C9orf43: variants seen among roughly 807,000 people sequenced by gnomAD.
The protein encoded by C9orf43 is chromosome 9 open reading frame 43, also known as uncharacterized protein C9orf43.
A neutral mutation model predicts 59.1 loss-of-function variants in C9orf43; 45 were observed. That is an observed-to-expected ratio of 0.76 (90% CI 0.60 to 0.98). The LOEUF is 0.98. C9orf43 is among the 50% of genes least tolerant of loss of function. The pLI, the probability that C9orf43 is intolerant of heterozygous loss-of-function variation, is 0.00. For synonymous variants in C9orf43, 203 were observed against 196.8 expected, an observed-to-expected ratio of 1.03 and a Z score of -0.26; for missense variants, 533 against 554.9, an observed-to-expected ratio of 0.96 and a Z score of 0.40.
At chr9:113,427,429 G>A (rs750655302) in intron 11 of C9orf43, among the ~76,000 whole-genome samples, 11 of 152,128 alleles carry the variant, frequency 7.2e-5, no homozygotes, top group Non-Finnish European at 1.3e-4. Flanking sequence ...TGCCCGCCTC[G>A]GCCTCCCAAA....
rs1213172346 is a variant in C9orf43 at position 113,428,912 on chromosome 9, A to G, written c.1120A>G (p.Arg374Gly). The G allele has an allele frequency of 3.1e-6, 5 of 1,613,694 alleles. No homozygotes were observed. In the African/African-American group the frequency reaches 6.7e-5, roughly 22 times the overall value. ...GTTSKQDSTE[R>G]PKMNYYDHAD... The stretch of plus-strand genomic sequence containing the variant: ...CAATGAATTTCAGGATTCCACGGAG[A>G]GACCAAAGATGAACTACTATGACCA... Residue 374 changes from arginine (R) to glycine (G), a missense_variant, in exon 13 of 14, where the codon AGA (arginine) becomes GGA (glycine). Transcript: ENST00000374165.
rs1828656511 is a variant in C9orf43, at chr9:113,423,319, C to T, written c.484-7C>T. Reference sequence around the variant, plus strand: ...TTGGAGAATTCTTTCCATTGTTTCTCTTCCAGAAAAGCAAGTCATTTCTGG... The same window carrying T: ...TTGGAGAATTCTTTCCATTGTTTCTTTTCCAGAAAAGCAAGTCATTTCTGG... On this transcript the variant is annotated splice_polypyrimidine_tract_variant and splice_region_variant and intron_variant, in intron 6 of 13. Transcript: ENST00000374165. 1.2e-6 allele frequency: 2 copies of T among 1,612,878 alleles called. No individual in the cohort carries two copies. Among genetic ancestry groups the T allele is most frequent in the Non-Finnish European group, 1.7e-6 (2 of 1,179,030 alleles).
At chr9:113,425,251 G>A (rs1354637508) in intron 9 of C9orf43, 93 bp from the exon 10 acceptor site, 11 of 1,576,202 alleles carry the variant, frequency 7.0e-6, no homozygotes, top group Non-Finnish European at 3.5e-6. Flanking sequence ...GTCCTTACCA[G>A]GGAGTCACCA....
intron 1 of C9orf43, among the ~76,000 whole-genome samples, chr9:113,412,377 A>G (rs1389459655): frequency 6.6e-6 from 1 of 152,244 alleles, no homozygotes. Flanking sequence ...CCAGGCTGAT[A>G]GTTTATCTTT....
rs1050885321 is a variant in C9orf43, at chr9:113,413,582, G to A, written c.89G>A (p.Arg30His). ...QHPQCWATIR[R>H]IERGHPRILG... Reference sequence around the variant, plus strand: ...CCACAATGCTGGGCAACTATCCGCCGCATTGAGAGGGGCCATCCTCGAATC... The same window carrying A: ...CCACAATGCTGGGCAACTATCCGCCACATTGAGAGGGGCCATCCTCGAATC... The change falls in exon 2 of 14, where the codon CGC becomes CAC. Residue 30 changes from arginine (R) to histidine (H), a missense_variant. By Grantham distance (29) the Arg-to-His change is conservative (BLOSUM62 0). Coordinates refer to ENST00000374165, the MANE Select transcript of C9orf43 (RefSeq NM_001278629.2). 10 of 1,614,068 alleles carry A rather than the reference G, an allele frequency of 6.2e-6. No homozygotes were observed. The East Asian group carries it at 1.6e-4, about 25-fold the overall frequency.
At chr9:113,416,092 C>T (rs1217132944) in intron 3 of C9orf43, among the ~76,000 whole-genome samples, 3 of 152,220 alleles carry the variant, frequency 2.0e-5, no homozygotes, top group African/African-American at 7.2e-5. Flanking sequence ...CGCCTTCTTC[C>T]TTCAGTGTGT....
At chr9:113,419,937 T>G (rs1023205185) in intron 4 of C9orf43, among the ~76,000 whole-genome samples, 3 of 152,108 alleles carry the variant, frequency 2.0e-5, no homozygotes, top group Admixed American at 2.0e-4. Flanking sequence ...ATGCCTTTTA[T>G]TTTTTTCTTG....
Position 113,413,611 on chromosome 9 carries a change from G to A in C9orf43, c.118G>A (p.Gly40Ser), listed in dbSNP as rs372019948. The A allele has an allele frequency of 6.2e-6, 10 of 1,614,162 alleles. No homozygotes were observed. The highest frequency in any genetic ancestry group is 3.3e-5 in the South Asian group (3 of 91,084). The change falls in exon 2 of 14, where the codon GGC becomes AGC. Residue 40 changes from glycine to serine, a missense_variant. Coordinates refer to ENST00000374165, the MANE Select transcript of C9orf43 (RefSeq NM_001278629.2). Reference sequence around the variant, plus strand: ...TGAGAGGGGCCATCCTCGAATCCTCGGCTCATCCTGCAAAACTCCCCTGGA... The same window carrying A: ...TGAGAGGGGCCATCCTCGAATCCTCAGCTCATCCTGCAAAACTCCCCTGGA... ...RIERGHPRIL[G>S]SSCKTPLDAE...
intron 1 of C9orf43, 200 bp downstream of exon 1, chr9:113,411,201 CA>C (rs1828124889): frequency 3.0e-6 from 2 of 674,400 alleles, no homozygotes; most frequent in African/African-American, 3.9e-5. Flanking sequence ...CATTCGCTTT[CA>C]AAAACAAACC....
intron 11 of C9orf43, among the ~76,000 whole-genome samples, chr9:113,427,167 T>TTTTA (rs1278051985): frequency 1.3e-5 from 2 of 152,124 alleles, no homozygotes; most frequent in African/African-American, 4.8e-5. Flanking sequence ...ATTGTGAAGC[T>TTTTA]TTTATTTATT....
intron 1 of C9orf43, among the ~76,000 whole-genome samples, chr9:113,412,333 G>A (rs78816569): frequency 0.011 from 1,662 of 152,286 alleles, 29 homozygotes; most frequent in African/African-American, 0.038. Context: ...CAAAGTGCTA[G>A]CCAAACAAAA....
chr9:113,412,420 G>A (rs1326379464), intron 1 of C9orf43, among the ~76,000 whole-genome samples: 1 of 152,176 alleles, frequency 6.6e-6, no homozygotes, highest in African/African-American at 2.4e-5. Flanking sequence ...AGAACAGGGA[G>A]TTTGTTTATT....
chr9:113,417,137 T>C (rs1002687509), intron 3 of C9orf43, among the ~76,000 whole-genome samples: 1 of 152,218 alleles, frequency 6.6e-6, no homozygotes, highest in African/African-American at 2.4e-5. Flanking sequence ...ATGTTTCTTT[T>C]GTTGGCTGCT....
intron 7 of C9orf43, 106 bp downstream of exon 7, chr9:113,423,604 A>T: frequency 9.4e-7 from 1 of 1,067,472 alleles, no homozygotes; most frequent in Non-Finnish European, 1.3e-6. Flanking sequence ...GGAGAAAACT[A>T]TCACCCCGAT....
intron 11 of C9orf43, among the ~76,000 whole-genome samples, chr9:113,426,114 C>T (rs1828783620): frequency 6.6e-6 from 1 of 152,162 alleles, no homozygotes; most frequent in South Asian, 2.1e-4. Context: ...GCTGGGGCCC[C>T]TCACTAGAAC....
In C9orf43 at chr9:113,425,718, G is replaced by A. The variant is rs763882417; in HGVS notation, c.1018G>A (p.Asp340Asn). ...SHKHPVTTVH[D>N]RLYGYRTLPG... ...TAAACATCCAGTTACCACCGTTCAT[G>A]ACCGTCTCTATGGTAAGGGGAATAT... The change falls in exon 11 of 14, where the codon GAC becomes AAC. Residue 340 changes from aspartate to asparagine, a missense_variant. By Grantham distance (23) the Asp-to-Asn change is conservative (BLOSUM62 1). Transcript: ENST00000374165. 2 of 1,613,342 alleles carry A rather than the reference G, an allele frequency of 1.2e-6. No individual in the cohort carries two copies. Among genetic ancestry groups the A allele is most frequent in the Non-Finnish European group, 8.5e-7 (1 of 1,179,424 alleles).
chr9:113,411,719 C>G (rs927039253), intron 1 of C9orf43, among the ~76,000 whole-genome samples: 11 of 152,048 alleles, frequency 7.2e-5, no homozygotes, highest in Non-Finnish European at 1.5e-4. Flanking sequence ...CACTCCGTCC[C>G]CCAGGCTGGA....
Position 113,413,451 on chromosome 9 carries a change from A to G in C9orf43, c.-43A>G, listed in dbSNP as rs568412866. The G allele has an allele frequency of 2.5e-6, 4 of 1,590,044 alleles. No homozygotes were observed. Among genetic ancestry groups the G allele is most frequent in the East Asian group, 2.3e-5 (1 of 44,296 alleles). Reference sequence around the variant, plus strand: ...GTAGCTGTTGATTTTCCAGAGCACTAGAATGCTGCAGGGTTGGCCTTTGGC... The same window carrying G: ...GTAGCTGTTGATTTTCCAGAGCACTGGAATGCTGCAGGGTTGGCCTTTGGC... On this transcript the variant is annotated 5_prime_UTR_variant, in exon 2 of 14. Coordinates refer to ENST00000374165, the MANE Select transcript of C9orf43 (RefSeq NM_001278629.2).
Position 113,424,186 on chromosome 9 carries a change from A to C in C9orf43, c.677A>C (p.Gln226Pro). The C allele has an allele frequency of 6.2e-7, 1 of 1,610,284 alleles. No individual in the cohort carries two copies. The part of the protein sequence containing the change: ...LLKELLPGGK[Q>P]TMLCPEMKIK... ...TTCAGACTTTTGCCAGGTGGAAAGCAAACCATGCTCTGTCCAGAGATGAAG... is the reference window on the plus strand; with the variant it reads ...TTCAGACTTTTGCCAGGTGGAAAGCCAACCATGCTCTGTCCAGAGATGAAG... Residue 226 changes from glutamine to proline, a missense_variant, in exon 8 of 14, where the codon CAA becomes CCA. Coordinates refer to ENST00000374165, the MANE Select transcript of C9orf43 (RefSeq NM_001278629.2).
Sources: gnomAD v4.1 joint callset for allele counts (sites outside exome capture counted in the v4.1 genomes callset) on GRCh38, gnomAD v4.1.1 for gene constraint, MANE v1.5 for transcripts, NCBI Gene and HGNC (gene_info 2026-07-23, HGNC 2026-07-21) for gene names.